Variants in SSBP3 observed in about 807,000 individuals in gnomAD.
SSBP3 encodes the protein single-stranded DNA-binding protein 3.
SSBP3 carries 5 observed loss-of-function variants against 69.6 expected under a neutral mutation model. The ratio of observed to expected loss-of-function variants is 0.07; its 90% CI spans 0.04 to 0.15. The LOEUF (loss-of-function observed/expected upper bound fraction) is 0.15, where lower values mean the gene tolerates loss of function less well. Among genes scored for constraint, SSBP3 ranks in the 10% least tolerant of loss-of-function variants. SSBP3 has a pLI of 1.00. For synonymous variants in SSBP3, 196 were observed against 193.4 expected, an observed-to-expected ratio of 1.01 and a Z score of -0.11; for missense variants, 312 against 534.0, an observed-to-expected ratio of 0.58 and a Z score of 4.10.
At chr1:54,243,168 A>AGGGTGCTGGCAGAGGGTG in intron 10 of SSBP3, 67 bp downstream of exon 10, 1 of 1,448,890 alleles carries the variant, frequency 6.9e-7, no homozygotes, top group Non-Finnish European at 9.7e-7. Context: ...TGAGTCTCCC[A>AGGGTGCTGGCAGAGGGTG]GGGTGCTGGC....
At chr1:54,303,627 A>G (rs1329267871) in intron 4 of SSBP3, among the ~76,000 whole-genome samples, 1 of 152,204 alleles carries the variant, frequency 6.6e-6, no homozygotes. Flanking sequence ...CCACCATGCT[A>G]CAAATCTCGT....
At chr1:54,231,287 C>T (rs1432154111) in intron 14 of SSBP3, among the ~76,000 whole-genome samples, 1 of 152,226 alleles carries the variant, frequency 6.6e-6, no homozygotes, top group African/African-American at 2.4e-5. Flanking sequence ...TTCCTAATGA[C>T]TAACGATGCT....
upstream of SSBP3, among the ~76,000 whole-genome samples, chr1:54,407,015 G>C (rs1476028911): frequency 6.6e-6 from 1 of 152,050 alleles, no homozygotes; most frequent in Non-Finnish European, 1.5e-5. Flanking sequence ...CGCCGGGCCC[G>C]GGGCTCCACG....
intron 4 of SSBP3, among the ~76,000 whole-genome samples, chr1:54,354,922 T>A (rs1434926341): frequency 6.6e-6 from 1 of 151,516 alleles, no homozygotes; most frequent in Non-Finnish European, 1.5e-5. Context: ...AGCAAAGGGG[T>A]AGAAAAGAGA....
intron 16 of SSBP3, 21 bp from the exon 17 acceptor site, chr1:54,228,377 G>T (rs1644323562): frequency 5.0e-6 from 8 of 1,596,396 alleles, no homozygotes; most frequent in Non-Finnish European, 6.9e-6. Flanking sequence ...AGGAGAGGAG[G>T]TGAGCACCTG....
At chr1:54,382,984 A>AG (rs1647782761) in intron 4 of SSBP3, among the ~76,000 whole-genome samples, 1 of 110,194 alleles carries the variant, frequency 9.1e-6, no homozygotes, top group East Asian at 2.5e-4. Context: ...AAACTCCATG[A>AG]CAAAAAAAAA....
upstream of SSBP3, among the ~76,000 whole-genome samples, chr1:54,408,327 T>C (rs774553185): frequency 3.9e-5 from 6 of 152,186 alleles, no homozygotes; most frequent in Non-Finnish European, 8.8e-5. Flanking sequence ...CGGTTTAATT[T>C]AATAGGGCTA....
intron 4 of SSBP3, among the ~76,000 whole-genome samples, chr1:54,391,869 G>A (rs1271882009): frequency 6.6e-6 from 1 of 152,124 alleles, no homozygotes; most frequent in Non-Finnish European, 1.5e-5. Flanking sequence ...CGGGGGGCAA[G>A]GAACCCCCTC....
At chr1:54,350,363 A>T (rs968947809) in intron 4 of SSBP3, among the ~76,000 whole-genome samples, 1 of 152,150 alleles carries the variant, frequency 6.6e-6, no homozygotes, top group Non-Finnish European at 1.5e-5. Context: ...GTTACTAGGA[A>T]CTCTAGTCTC....
intron 4 of SSBP3, among the ~76,000 whole-genome samples, chr1:54,382,134 C>T (rs1225836008): frequency 6.6e-6 from 1 of 152,222 alleles, no homozygotes; most frequent in African/African-American, 2.4e-5. Flanking sequence ...GCAGAGGCTG[C>T]AGTGAGCCGA....
chr1:54,229,000 G>A (rs1443726450), intron 14 of SSBP3, among the ~76,000 whole-genome samples, 174 bp from the exon 15 acceptor site: 1 of 152,210 alleles, frequency 6.6e-6, no homozygotes, highest in South Asian at 2.1e-4. Context: ...TCCTCACCTC[G>A]GCCCTCTAAG....
At chr1:54,241,962 G>A (rs946457956) in intron 11 of SSBP3, among the ~76,000 whole-genome samples, 1 of 152,174 alleles carries the variant, frequency 6.6e-6, no homozygotes, top group Non-Finnish European at 1.5e-5. Flanking sequence ...TGGCTGGGCA[G>A]GCAGGGCAGG....
At chr1:54,311,365 T>C (rs758040797) in intron 4 of SSBP3, among the ~76,000 whole-genome samples, 1 of 152,100 alleles carries the variant, frequency 6.6e-6, no homozygotes, top group East Asian at 1.9e-4. Context: ...GGGTCTGTCA[T>C]GTCAAAGTGG....
At chr1:54,401,834 T>C in intron 4 of SSBP3, 27 bp downstream of exon 4, 2 of 1,589,646 alleles carry the variant, frequency 1.3e-6, no homozygotes, top group Admixed American at 1.7e-5. Flanking sequence ...CTATAATTAT[T>C]GCTAGGATTA....
intron 4 of SSBP3, among the ~76,000 whole-genome samples, chr1:54,368,479 GAA>G (rs111748121): frequency 7.0e-6 from 1 of 142,940 alleles, no homozygotes. Flanking sequence ...CACATTTAGG[GAA>G]AAAAAAAAAA....
chr1:54,351,952 C>G (rs1646786998), intron 4 of SSBP3, among the ~76,000 whole-genome samples: 1 of 152,198 alleles, frequency 6.6e-6, no homozygotes, highest in Admixed American at 6.5e-5. Context: ...GCAGTGTGAA[C>G]TCCAGCAAAC....
intron 4 of SSBP3, among the ~76,000 whole-genome samples, chr1:54,383,810 TA>T (rs749689409): frequency 2.6e-4 from 39 of 151,972 alleles, no homozygotes; most frequent in Non-Finnish European, 3.5e-4. Context: ...GCCCCCTTTA[TA>T]AAAAGCAAGA....
chr1:54,294,142 C>CAAAA (rs1223376233), intron 4 of SSBP3, among the ~76,000 whole-genome samples: 7 of 41,394 alleles, frequency 1.7e-4, no homozygotes, highest in African/African-American at 5.4e-4. Context: ...GACTCCATCT[C>CAAAA]AAAAAAAAAA....
At chr1:54,330,775 CCCACCCACGTCAAAA>C (rs1646395272) in intron 4 of SSBP3, among the ~76,000 whole-genome samples, 1 of 152,216 alleles carries the variant, frequency 6.6e-6, no homozygotes, top group South Asian at 2.1e-4. Flanking sequence ...AGGACAGGAT[CCCACCCACGTCAAAA>C]CCAGGCAGCA....
Sources: allele counts gnomAD v4.1 joint callset (sites outside exome capture counted in the v4.1 genomes callset), GRCh38; gene constraint gnomAD v4.1.1; transcripts MANE v1.5; gene names NCBI Gene and HGNC (gene_info 2026-07-23, HGNC 2026-07-21).